HAO1: variants seen among roughly 807,000 people sequenced by gnomAD.
HAO1 encodes the protein 2-Hydroxyacid oxidase 1.
HAO1 carries 34 observed loss-of-function variants against 39.7 expected under a neutral mutation model. That is an observed-to-expected ratio of 0.86 (90% CI 0.65 to 1.14). The LOEUF is 1.14. HAO1 is among the 50% of genes most tolerant of loss of function. The pLI is 0.00. For synonymous variants in HAO1, 172 were observed against 173.2 expected (o/e 0.99, Z 0.05); for missense variants, 479 against 464.5 (o/e 1.03, Z -0.29).
chr20:7,898,248 A>C (rs1331365781), intron 4 of HAO1, among the ~76,000 whole-genome samples: 1 of 152,082 alleles, frequency 6.6e-6, no homozygotes. Context: ...CTTGCAGACT[A>C]TATACCTACA....
At chr20:7,917,666 G>A (rs1157595575) in intron 2 of HAO1, among the ~76,000 whole-genome samples, 1 of 152,086 alleles carries the variant, frequency 6.6e-6, no homozygotes, top group African/African-American at 2.4e-5. Flanking sequence ...AAAGGGGTCT[G>A]GCAGAGAAAA....
chr20:7,936,317 G>A (rs1450715951), intron 1 of HAO1, among the ~76,000 whole-genome samples: 1 of 152,120 alleles, frequency 6.6e-6, no homozygotes, highest in African/African-American at 2.4e-5. Context: ...TTTGAAGGGG[G>A]AGAAGCAGAA....
intron 4 of HAO1, among the ~76,000 whole-genome samples, chr20:7,897,868 T>G (rs1274964438): frequency 6.6e-6 from 1 of 152,190 alleles, no homozygotes; most frequent in Non-Finnish European, 1.5e-5. Context: ...ATTGAGGAAC[T>G]GCCCTGTTTT....
intron 2 of HAO1, among the ~76,000 whole-genome samples, chr20:7,919,725 A>G (rs1042666650): frequency 1.3e-5 from 2 of 152,140 alleles, no homozygotes; most frequent in African/African-American, 2.4e-5. Context: ...AAGCCATGCA[A>G]TTGTAAAGGG....
chr20:7,911,795 C>G (rs186536648), intron 3 of HAO1, among the ~76,000 whole-genome samples: 12 of 152,230 alleles, frequency 7.9e-5, no homozygotes, highest in African/African-American at 2.4e-4. Flanking sequence ...TGCCAAACTT[C>G]ACTTATGAAA....
intron 3 of HAO1, among the ~76,000 whole-genome samples, chr20:7,908,949 A>C (rs373419117): frequency 1.2e-3 from 178 of 152,276 alleles, no homozygotes; most frequent in African/African-American, 4.1e-3. Context: ...ATTGTTAATA[A>C]GAAAAAGTCC....
At position 7,940,442 on chromosome 20, in the gene HAO1, C is replaced by G; in HGVS notation, c.-20G>C. The G allele has an allele frequency of 6.3e-7, 1 of 1,578,638 alleles. No individual in the cohort carries two copies. The highest frequency in any genetic ancestry group is 8.5e-7 in the Non-Finnish European group (1 of 1,169,924). The stretch of plus-strand genomic sequence containing the variant: ...GAGCATTTTCACAGGTTATTGCTAT[C>G]CCAGATGGAGTTCGTTGTTTTTTTT... On this transcript the variant is annotated 5_prime_UTR_variant, in exon 1 of 8. Transcript: ENST00000378789.
chr20:7,903,878 G>GA (rs2050235147), intron 4 of HAO1, among the ~76,000 whole-genome samples: 1 of 148,230 alleles, frequency 6.7e-6, no homozygotes, highest in Non-Finnish European at 1.5e-5. Context: ...GGTGGTGGTG[G>GA]TGGTGGTGGT....
chr20:7,887,234 C>T (rs2050155036), intron 5 of HAO1, among the ~76,000 whole-genome samples: 1 of 152,162 alleles, frequency 6.6e-6, no homozygotes, highest in Non-Finnish European at 1.5e-5. Flanking sequence ...AAATCACCCA[C>T]ATTCATCCCA....
At chr20:7,891,270 T>C (rs910739543) in intron 5 of HAO1, among the ~76,000 whole-genome samples, 4 of 152,240 alleles carry the variant, frequency 2.6e-5, no homozygotes, top group African/African-American at 9.6e-5. Flanking sequence ...CATTGTGGTT[T>C]TGATTTGCAT....
At chr20:7,938,321 A>AAACTCAACTAGTTGATAAT in intron 1 of HAO1, among the ~76,000 whole-genome samples, 1 of 152,350 alleles carries the variant, frequency 6.6e-6, no homozygotes, top group East Asian at 1.9e-4. Context: ...ATTGCAATAA[A>AAACTCAACTAGTTGATAAT]AACTCAACTA....
intron 2 of HAO1, among the ~76,000 whole-genome samples, chr20:7,920,021 A>C (rs2122783471): frequency 6.6e-6 from 1 of 152,268 alleles, no homozygotes; most frequent in Non-Finnish European, 1.5e-5. Flanking sequence ...CCAACTGATA[A>C]GGTTTGGCTT....
At chr20:7,883,725 G>A (rs1002284163) in intron 7 of HAO1, 62 bp from the exon 8 acceptor site, 38 of 1,239,408 alleles carry the variant, frequency 3.1e-5, no homozygotes, top group South Asian at 3.6e-5. Context: ...GCAGGTAATC[G>A]TTTTCCCAAG....
At chr20:7,888,677 A>C (rs987091525) in intron 5 of HAO1, among the ~76,000 whole-genome samples, 1 of 152,182 alleles carries the variant, frequency 6.6e-6, no homozygotes, top group Admixed American at 6.6e-5. Context: ...ATTGTTTGCA[A>C]CTGCAAAAAT....
At chr20:7,895,370 G>T (rs759118182) in intron 4 of HAO1, 146 bp from the exon 5 acceptor site, 8 of 575,210 alleles carry the variant, frequency 1.4e-5, no homozygotes, top group South Asian at 2.5e-5. Context: ...ATACCCTAGG[G>T]TTAGCGCTAG....
intron 2 of HAO1, among the ~76,000 whole-genome samples, chr20:7,918,266 A>C (rs746640752): frequency 1.1e-4 from 17 of 152,208 alleles, no homozygotes; most frequent in Non-Finnish European, 2.2e-4. Context: ...ACAAAGGAAA[A>C]TTATTGATGA....
intron 2 of HAO1, among the ~76,000 whole-genome samples, chr20:7,926,823 A>G (rs1345169670): frequency 6.6e-6 from 1 of 151,958 alleles, no homozygotes; most frequent in Non-Finnish European, 1.5e-5. Flanking sequence ...CCAGTGTGGT[A>G]GCCTCTAATT....
chr20:7,899,560 GT>G (rs1456808136), intron 4 of HAO1, among the ~76,000 whole-genome samples: 6 of 152,040 alleles, frequency 3.9e-5, no homozygotes, highest in Non-Finnish European at 7.4e-5. Context: ...ATTTCAAGTG[GT>G]TTTTATATTC....
chr20:7,913,806 A>T (rs900391734), intron 3 of HAO1, among the ~76,000 whole-genome samples: 1 of 152,202 alleles, frequency 6.6e-6, no homozygotes, highest in Non-Finnish European at 1.5e-5. Context: ...TGTCCCATGT[A>T]CCATTAAAAA....
Sources: allele counts gnomAD v4.1 joint callset (sites outside exome capture counted in the v4.1 genomes callset), GRCh38; gene constraint gnomAD v4.1.1; transcripts MANE v1.5; gene names NCBI Gene and HGNC (gene_info 2026-07-23, HGNC 2026-07-21).